The following MEGF8 variants were observed in gnomAD, a reference collection of about 807,000 sequenced individuals.
The protein encoded by MEGF8 is multiple epidermal growth factor-like domains protein 8.
Under a neutral mutation model 302.9 loss-of-function variants are expected in MEGF8, and 156 were observed. That is an observed-to-expected ratio of 0.52 (90% confidence interval 0.45 to 0.59). MEGF8 has a LOEUF of 0.59. Ranked by LOEUF, MEGF8 falls within the 20% of genes least tolerant of loss-of-function variation. The pLI is 0.00. For synonymous variants in MEGF8, 1,621 were observed against 1,660.5 expected (o/e 0.98, Z 0.58); for missense variants, 3,345 against 3,964.5 (o/e 0.84, Z 4.20).
In MEGF8 at chr19:42,368,815, A is replaced by G. The variant is rs1249155641; in HGVS notation, c.6482-28A>G. 7 of 1,607,506 alleles carry G rather than the reference A, an allele frequency of 4.4e-6. No homozygotes were observed. The highest frequency in any genetic ancestry group is 3.4e-5 in the Admixed American group (2 of 59,574). On this transcript the variant is annotated intron_variant, in intron 36 of 41. Coordinates refer to ENST00000251268, the MANE Select transcript of MEGF8 (RefSeq NM_001271938.2). This position sits in a 1 kb window ranked among gnomAD's most constrained non-coding sequence, Gnocchi z 4.9. Reference sequence around the variant, plus strand: ...ACTGGGGCAGGTGGTACAGAGGTCCAGGTAAAATGCTATATCCCCGGTGCT... The same window carrying G: ...ACTGGGGCAGGTGGTACAGAGGTCCGGGTAAAATGCTATATCCCCGGTGCT...
At chr19:42,337,506 CTTTTTTTTTTT>C (rs908319656) in intron 8 of MEGF8, among the ~76,000 whole-genome samples, 7 of 135,826 alleles carry the variant, frequency 5.2e-5, no homozygotes, top group Admixed American at 2.2e-4. Context: ...CTTTTCTTTT[CTTTTTTTTTTT>C]TTTTTTTTGA....
intron 32 of MEGF8, among the ~76,000 whole-genome samples, 169 bp downstream of exon 32, chr19:42,361,175 G>C (rs189967013): frequency 6.6e-6 from 1 of 152,336 alleles, no homozygotes; most frequent in East Asian, 1.9e-4. Context: ...ATCCCTGCCT[G>C]GGACTGGGGT....
chr19:42,366,617 T>C (rs938992654), intron 35 of MEGF8, among the ~76,000 whole-genome samples: 1 of 152,242 alleles, frequency 6.6e-6, no homozygotes, highest in Non-Finnish European at 1.5e-5. Flanking sequence ...GAATTTATCA[T>C]TGAGCACCTT....
In MEGF8 at chr19:42,376,687, G is replaced by A; in HGVS notation, c.8450G>A (p.Gly2817Asp). ...RHRLHEYCGGGGGAGGSGHGT... is the reference protein window; with the variant it reads ...RHRLHEYCGGDGGAGGSGHGT... The stretch of plus-strand genomic sequence containing the variant: ...AGGCTGCACGAGTACTGTGGGGGTG[G>A]TGGGGGTGCTGGGGGCAGTGGGCAT... Residue 2817 changes from glycine to aspartate, a missense_variant, in exon 42 of 42, where the codon GGT becomes GAT. Transcript: ENST00000251268. The surrounding 1 kb of genome is among the most constrained non-coding windows in gnomAD (Gnocchi z 8.2). The A allele has an allele frequency of 1.3e-6, 2 of 1,517,542 alleles. No individual in the cohort carries two copies. The highest frequency in any genetic ancestry group is 1.2e-5 in the South Asian group (1 of 80,158). 94.0% of individuals were successfully genotyped at this position (1,517,542 alleles called of 1,614,324 possible).
intron 33 of MEGF8, 35 bp downstream of exon 33, chr19:42,362,248 A>T (rs1415770624): frequency 3.1e-6 from 5 of 1,609,766 alleles, no homozygotes; most frequent in East Asian, 4.5e-5. Context: ...GAGAAGCAGC[A>T]GGTGTAGGGC....
At chr19:42,350,564 G>A (rs2039354075) in intron 15 of MEGF8, among the ~76,000 whole-genome samples, 180 bp downstream of exon 15, 1 of 152,146 alleles carries the variant, frequency 6.6e-6, no homozygotes. Flanking sequence ...GGGGAGTCAG[G>A]ACTCTCCCTG....
At position 42,344,356 on chromosome 19, in the gene MEGF8, G is replaced by T; in HGVS notation, c.1789-85G>T. 1 of 1,490,250 alleles carries T rather than the reference G, an allele frequency of 6.7e-7. No individual in the cohort carries two copies. The highest frequency in any genetic ancestry group is 1.3e-5 in the South Asian group (1 of 75,456). 92.3% of individuals were successfully genotyped at this position (1,490,250 alleles called of 1,614,324 possible). A position where few individuals can be genotyped will look rare whatever the true frequency, so the allele number is the denominator to read the frequency against. ...CTTCAGTTTTTTCGCCCTTTCCATC[G>T]CAGGACCCTGTATCCACAGCCCTTC... On this transcript the variant is annotated intron_variant, in intron 10 of 41. Transcript: ENST00000251268. This position sits in a 1 kb window ranked among gnomAD's most constrained non-coding sequence, Gnocchi z 4.5.
At chr19:42,333,476 A>G in intron 1 of MEGF8, 129 bp from the exon 2 acceptor site, 2 of 1,032,624 alleles carry the variant, frequency 1.9e-6, no homozygotes, top group Non-Finnish European at 2.8e-6. Flanking sequence ...GGCGGGGCCC[A>G]GGTCTGACTC....
chr19:42,328,820 C>T (rs2039019168), intron 1 of MEGF8, among the ~76,000 whole-genome samples: 1 of 151,978 alleles, frequency 6.6e-6, no homozygotes, highest in Non-Finnish European at 1.5e-5. Context: ...TCTGTGGTTC[C>T]AGCCTGGGTG....
intron 8 of MEGF8, among the ~76,000 whole-genome samples, chr19:42,338,246 G>A (rs776493490): frequency 2.8e-5 from 4 of 142,596 alleles, no homozygotes; most frequent in African/African-American, 7.7e-5. Flanking sequence ...TTTTTTTTTT[G>A]TTTTTTTTTT....
At chr19:42,362,041 AG>A in intron 32 of MEGF8, 48 bp from the exon 33 acceptor site, 1 of 1,600,906 alleles carries the variant, frequency 6.2e-7, no homozygotes, top group South Asian at 1.1e-5. Flanking sequence ...GGGAGGCAGA[AG>A]GAGGGGGTCT....
intron 23 of MEGF8, 102 bp from the exon 24 acceptor site, chr19:42,355,656 C>A: frequency 7.0e-7 from 1 of 1,422,612 alleles, no homozygotes; most frequent in Non-Finnish European, 9.3e-7. Context: ...TAATATGGTG[C>A]CTTCCTTCCC....
At chr19:42,335,885 C>A in intron 5 of MEGF8, 46 bp from the exon 6 acceptor site, 1 of 1,430,566 alleles carries the variant, frequency 7.0e-7, no homozygotes, top group Non-Finnish European at 9.1e-7. Context: ...CTGGCTCTGG[C>A]TCTCTTGCTG....
Position 42,352,106 on chromosome 19 carries a change from A to C in MEGF8, c.3102-102A>C. 1 of 1,346,670 alleles carries C rather than the reference A, an allele frequency of 7.4e-7. No homozygotes were observed. Among genetic ancestry groups the C allele is most frequent in the South Asian group, 1.6e-5 (1 of 63,538 alleles). The allele number at this position is 1,346,670 out of a possible 1,614,324, so 83.4% of individuals were successfully genotyped here. ...TCTCTCTTTCCAAATTTGTATTTGC[A>C]TCCCTCTCCTTCCAATTGGCCTCCT... On this transcript the variant is annotated intron_variant, in intron 18 of 41. Coordinates refer to ENST00000251268, the MANE Select transcript of MEGF8 (RefSeq NM_001271938.2). The surrounding 1 kb of genome is among the most constrained non-coding windows in gnomAD (Gnocchi z 4.4).
chr19:42,370,823 G>A lies in MEGF8; in HGVS notation c.7128G>A (p.Lys2376=). 2 of 730,504 alleles carry A rather than the reference G, an allele frequency of 2.7e-6. No homozygotes were observed. The highest frequency in any genetic ancestry group is 4.5e-6 in the Non-Finnish European group (2 of 440,380). The allele number at this position is 730,504 out of a possible 1,614,324, so 45.3% of individuals were successfully genotyped here. The change falls in exon 40 of 42, where the codon AAG becomes AAA. Residue 2376 remains lysine (K), a synonymous_variant. Coordinates refer to ENST00000251268, the MANE Select transcript of MEGF8 (RefSeq NM_001271938.2). ...AGGGCTACTTCCTCCTGGACGGGAA[G>A]TGCACCAAGTAAGAGGAACCGGGGG... The part of the protein sequence containing the change: ...CLQGYFLLDG[K]CTKCQCNGHA...
rs2039256647 is a variant in MEGF8, at chr19:42,344,320, A to G, written c.1789-121A>G. ...CTCTGGATCTCCCACATTCCAAGTCAACTCCCCGTTCTTCAGTTTTTTCGC... is the reference window on the plus strand; with the variant it reads ...CTCTGGATCTCCCACATTCCAAGTCGACTCCCCGTTCTTCAGTTTTTTCGC... On this transcript the variant is annotated intron_variant, in intron 10 of 41. Coordinates refer to ENST00000251268, the MANE Select transcript of MEGF8 (RefSeq NM_001271938.2). This position sits in a 1 kb window ranked among gnomAD's most constrained non-coding sequence, Gnocchi z 4.5. The G allele has an allele frequency of 7.3e-7, 1 of 1,369,362 alleles. No individual in the cohort carries two copies. The highest frequency in any genetic ancestry group is 9.7e-7 in the Non-Finnish European group (1 of 1,029,038). The allele number at this position is 1,369,362 out of a possible 1,614,324, so 84.8% of individuals were successfully genotyped here.
Position 42,368,858 on chromosome 19 carries a change from G to A in MEGF8, c.6497G>A (p.Arg2166His), listed in dbSNP as rs370984978. The part of the protein sequence containing the change: ...SGPRDGLTCG[R>H]PGASWAFLSC... ...CCGGTGCTAGGGCTGACATGTGGGC[G>A]TCCGGGGGCCTCCTGGGCCTTCCTG... Residue 2166 changes from arginine (R) to histidine (H), a missense_variant, in exon 37 of 42, where the codon CGT becomes CAT. Coordinates refer to ENST00000251268, the MANE Select transcript of MEGF8 (RefSeq NM_001271938.2). This position sits in a 1 kb window ranked among gnomAD's most constrained non-coding sequence, Gnocchi z 4.9. The A allele has an allele frequency of 1.5e-5, 25 of 1,613,554 alleles. No individual in the cohort carries two copies. The highest frequency in any genetic ancestry group is 1.6e-4 in the Middle Eastern group (1 of 6,082).
In MEGF8 at chr19:42,326,095, G is replaced by A; in HGVS notation, c.-149G>A. The A allele has an allele frequency of 7.7e-7, 1 of 1,296,186 alleles. No individual in the cohort carries two copies. The highest frequency in any genetic ancestry group is 1.0e-6 in the Non-Finnish European group (1 of 1,002,720). The allele number at this position is 1,296,186 out of a possible 1,614,324, so 80.3% of individuals were successfully genotyped here. A position where few individuals can be genotyped will look rare whatever the true frequency, so the allele number is the denominator to read the frequency against. The stretch of plus-strand genomic sequence containing the variant: ...GTCAGCAGTGGCCGTACCCTTCGCC[G>A]GGACTGCCGGGTCTCCGGGACCTCT... On this transcript the variant is annotated 5_prime_UTR_variant, in exon 1 of 42. Transcript: ENST00000251268.
rs768457030 is a variant in MEGF8, at chr19:42,376,691, G to A, written c.8454G>A (p.Gly2818=). 2 of 1,512,528 alleles carry A rather than the reference G, an allele frequency of 1.3e-6. No homozygotes were observed. Among genetic ancestry groups the A allele is most frequent in the Admixed American group, 4.0e-5 (2 of 49,408 alleles). 93.7% of individuals were successfully genotyped at this position (1,512,528 alleles called of 1,614,324 possible). A position where few individuals can be genotyped will look rare whatever the true frequency, so the allele number is the denominator to read the frequency against. The change falls in exon 42 of 42, where the codon GGG becomes GGA. Residue 2818 remains glycine (G), a synonymous_variant. Transcript: ENST00000251268. The surrounding 1 kb of genome is among the most constrained non-coding windows in gnomAD (Gnocchi z 8.2). ...HRLHEYCGGG[G]GAGGSGHGTG... ...TGCACGAGTACTGTGGGGGTGGTGG[G>A]GGTGCTGGGGGCAGTGGGCATGGGA...
Sources: gnomAD v4.1 joint callset for allele counts (sites outside exome capture counted in the v4.1 genomes callset) on GRCh38, gnomAD v4.1.1 for gene constraint, Gnocchi (gnomAD v3.1) non-coding constraint, MANE v1.5 for transcripts, NCBI Gene and HGNC (gene_info 2026-07-23, HGNC 2026-07-21) for gene names.